Variants in CFH observed in about 807,000 individuals in gnomAD.
The protein encoded by CFH is complement factor H, also known as H factor 1 (complement).
Under a neutral mutation model 147.3 loss-of-function variants are expected in CFH, and 53 were observed. The ratio of observed to expected loss-of-function variants is 0.36; its 90% CI spans 0.29 to 0.45. The LOEUF (loss-of-function observed/expected upper bound fraction) is 0.45. Among genes scored for constraint, CFH ranks in the 20% least tolerant of loss-of-function variants. The pLI is 1.00. For synonymous variants in CFH, 536 were observed against 489.4 expected, an observed-to-expected ratio of 1.10 and a Z score of -1.26; for missense variants, 1,380 against 1,498.0, an observed-to-expected ratio of 0.92 and a Z score of 1.30.
chr1:196,727,084 C>A (rs1669160802), intron 14 of CFH, 144 bp downstream of exon 14: 1 of 706,692 alleles, frequency 1.4e-6, no homozygotes, highest in Non-Finnish European at 2.5e-6. Context: ...TTGCATATTG[C>A]TTATAATTCA....
At chr1:196,715,124 T>A (rs562614561) in intron 10 of CFH, among the ~76,000 whole-genome samples, 2 of 152,144 alleles carry the variant, frequency 1.3e-5, no homozygotes, top group Admixed American at 1.3e-4. Flanking sequence ...TTATTAATTA[T>A]TCTTTTAAGA....
intron 9 of CFH, among the ~76,000 whole-genome samples, chr1:196,712,517 CTTCTGA>C (rs1225580826): frequency 6.6e-6 from 1 of 151,554 alleles, no homozygotes; most frequent in Non-Finnish European, 1.5e-5. Flanking sequence ...AATGTTTCCT[CTTCTGA>C]TTTTCTCCTT....
intron 11 of CFH, among the ~76,000 whole-genome samples, chr1:196,719,098 T>G (rs1000617624): frequency 1.3e-5 from 2 of 152,028 alleles, no homozygotes; most frequent in Middle Eastern, 6.3e-3. Flanking sequence ...AAATTCATAT[T>G]AACATTTCAC....
chr1:196,733,456 G>A (rs564065373), intron 15 of CFH, among the ~76,000 whole-genome samples: 1 of 152,142 alleles, frequency 6.6e-6, no homozygotes, highest in South Asian at 2.1e-4. Flanking sequence ...TTTAAGAGGA[G>A]TCCTTTTGGA....
chr1:196,744,347 A>C (rs1652929266), intron 20 of CFH, among the ~76,000 whole-genome samples: 1 of 152,070 alleles, frequency 6.6e-6, no homozygotes, highest in South Asian at 2.1e-4. Flanking sequence ...TATAGGACTT[A>C]AATCTCTGTC....
At chr1:196,673,647 A>G (rs570033365) in intron 2 of CFH, among the ~76,000 whole-genome samples, 155 of 152,116 alleles carry the variant, frequency 1.0e-3, no homozygotes, top group South Asian at 2.5e-3. Flanking sequence ...ATACATCATC[A>G]TTTTCAAAAA....
At chr1:196,671,583 C>T (rs1404892501) in intron 1 of CFH, among the ~76,000 whole-genome samples, 2 of 131,178 alleles carry the variant, frequency 1.5e-5, no homozygotes, top group Non-Finnish European at 3.1e-5. Context: ...TCTCAAAAGA[C>T]TAATACACAC....
chr1:196,679,399 G>A, intron 5 of CFH: 1 of 390,920 alleles, frequency 2.6e-6, no homozygotes, highest in Non-Finnish European at 4.7e-6. Context: ...TTTCAAGAAG[G>A]CTAATTTATC....
intron 9 of CFH, among the ~76,000 whole-genome samples, chr1:196,703,715 TG>T (rs1412250870): frequency 6.6e-6 from 1 of 152,032 alleles, no homozygotes; most frequent in Non-Finnish European, 1.5e-5. Context: ...CTGGGCGCGG[TG>T]GCTCACTCCT....
intron 11 of CFH, among the ~76,000 whole-genome samples, chr1:196,723,581 C>G (rs1432771485): frequency 6.6e-6 from 1 of 151,996 alleles, no homozygotes; most frequent in Non-Finnish European, 1.5e-5. Context: ...GGCAGATGAG[C>G]CTATGCTTGT....
chr1:196,696,389 G>C (rs1006386910), intron 9 of CFH, among the ~76,000 whole-genome samples: 2 of 152,136 alleles, frequency 1.3e-5, no homozygotes, highest in African/African-American at 4.8e-5. Context: ...TAAGGCAGAA[G>C]TAAATAAGTT....
At chr1:196,708,813 A>G (rs1192501494) in intron 9 of CFH, among the ~76,000 whole-genome samples, 1 of 152,032 alleles carries the variant, frequency 6.6e-6, no homozygotes, top group Non-Finnish European at 1.5e-5. Flanking sequence ...CCATTTTCCC[A>G]CCGACTCCAA....
intron 1 of CFH, among the ~76,000 whole-genome samples, chr1:196,659,061 C>T (rs1373452745): frequency 1.3e-5 from 2 of 151,554 alleles, no homozygotes; most frequent in African/African-American, 4.9e-5. Flanking sequence ...AATGAGATGG[C>T]TATTTCTTTT....
intron 9 of CFH, among the ~76,000 whole-genome samples, chr1:196,699,070 A>T (rs1157250524): frequency 6.6e-6 from 1 of 152,166 alleles, no homozygotes; most frequent in Non-Finnish European, 1.5e-5. Flanking sequence ...TATAAGAGCT[A>T]TTTTTTAAAA....
At chr1:196,687,302 C>T (rs970930515) in intron 7 of CFH, among the ~76,000 whole-genome samples, 2 of 152,008 alleles carry the variant, frequency 1.3e-5, no homozygotes, top group Non-Finnish European at 2.9e-5. Flanking sequence ...TGAAGTCCTT[C>T]TATTCTCAGC....
chr1:196,692,412 G>T, intron 9 of CFH: 1 of 824,026 alleles, frequency 1.2e-6, no homozygotes, highest in Non-Finnish European at 1.5e-6. Context: ...GATTAGATAT[G>T]CAATTTCTCC....
At chr1:196,744,359 T>G (rs1444747929) in intron 20 of CFH, among the ~76,000 whole-genome samples, 1 of 152,088 alleles carries the variant, frequency 6.6e-6, no homozygotes, top group Non-Finnish European at 1.5e-5. Context: ...ATCTCTGTCG[T>G]TTATTTGTTT....
chr1:196,698,007 G>C (rs1292355146), intron 9 of CFH, among the ~76,000 whole-genome samples: 1 of 122,308 alleles, frequency 8.2e-6, no homozygotes, highest in South Asian at 3.3e-4. Flanking sequence ...CCTGTTGTGG[G>C]GTGGGGGGAG....
chr1:196,722,360 G>GT (rs1277593934), intron 11 of CFH, among the ~76,000 whole-genome samples: 4 of 152,116 alleles, frequency 2.6e-5, no homozygotes, highest in African/African-American at 9.6e-5. Flanking sequence ...TCTAATATAT[G>GT]TTTTTTCAAT....
Sources: gnomAD v4.1 joint callset for allele counts (sites outside exome capture counted in the v4.1 genomes callset) on GRCh38, gnomAD v4.1.1 for gene constraint, MANE v1.5 for transcripts, NCBI Gene and HGNC (gene_info 2026-07-23, HGNC 2026-07-21) for gene names.